CDIN1: variants seen among roughly 807,000 people sequenced by gnomAD.
The protein encoded by CDIN1 is CDAN1 interacting nuclease 1, also known as CDAN1-interacting nuclease 1.
A neutral mutation model predicts 45.3 loss-of-function variants in CDIN1; 33 were observed. That is an observed-to-expected ratio of 0.73 (90% CI 0.55 to 0.97). The LOEUF (loss-of-function observed/expected upper bound fraction) is 0.97. CDIN1 is among the 50% of genes least tolerant of loss of function. The probability of loss-of-function intolerance (pLI) is 0.00; values close to 1 mark genes in which losing one functional copy is unlikely to be tolerated. For missense variants in CDIN1, 303 were observed against 339.4 expected (o/e 0.89, Z 0.84); for synonymous variants, 118 against 124.4 (o/e 0.95, Z 0.34).
At chr15:36,689,432 G>T (rs1019694179) in intron 5 of CDIN1, among the ~76,000 whole-genome samples, 3 of 152,132 alleles carry the variant, frequency 2.0e-5, no homozygotes, top group South Asian at 2.1e-4. Context: ...TCCTCACATG[G>T]GTTCATGAGA....
chr15:36,735,718 T>A (rs2043994401), intron 10 of CDIN1, among the ~76,000 whole-genome samples: 1 of 152,216 alleles, frequency 6.6e-6, no homozygotes, highest in Non-Finnish European at 1.5e-5. Context: ...GCTTTTATCA[T>A]ATCAAATTTA....
In CDIN1 at chr15:36,662,929, A is replaced by G. The variant is rs567289516; in HGVS notation, c.346+5024A>G. 8.9e-5 allele frequency among the ~76,000 whole-genome samples: 13 copies of G among 146,464 alleles called. No homozygotes were observed. In the East Asian group the frequency reaches 2.2e-3, roughly 25 times the overall value. ...GATGAGCATCCAAAATCCAAAATCC[A>G]AAATGCTCCAATGAGCATTTCCTTT... On this transcript the variant is annotated intron_variant, in intron 5 of 10. Coordinates refer to ENST00000566621, the MANE Select transcript of CDIN1 (RefSeq NM_001321759.2).
In CDIN1 at chr15:36,709,874, T is replaced by C; in HGVS notation, c.629T>C (p.Ile210Thr). 1 of 1,613,352 alleles carries C rather than the reference T, an allele frequency of 6.2e-7. No individual in the cohort carries two copies. The highest frequency in any genetic ancestry group is 8.5e-7 in the Non-Finnish European group (1 of 1,179,446). ...QVPVAVEGHIIHWIESKASFG... is the reference protein window; with the variant it reads ...QVPVAVEGHITHWIESKASFG... ...CCCTTAGCTGTAGAAGGGCACATAA[T>C]TCACTGGATTGAAAGCAAAGCCTCA... The change falls in exon 10 of 11, where the codon ATT (isoleucine) becomes ACT (threonine). Residue 210 changes from isoleucine to threonine, a missense_variant. By Grantham distance (89) the Ile-to-Thr change is moderately conservative (BLOSUM62 -1). Coordinates refer to ENST00000566621, the MANE Select transcript of CDIN1 (RefSeq NM_001321759.2).
chr15:36,615,894 C>A (rs908236413), intron 1 of CDIN1, among the ~76,000 whole-genome samples: 5 of 152,160 alleles, frequency 3.3e-5, no homozygotes, highest in Non-Finnish European at 5.9e-5. Flanking sequence ...TTGATGTAGT[C>A]ATTTTGGAAA....
intron 1 of CDIN1, chr15:36,618,929 A>G (rs2039024946): frequency 6.6e-7 from 1 of 1,508,616 alleles, no homozygotes; most frequent in Non-Finnish European, 9.1e-7. Context: ...GTGACTCTAC[A>G]GGAACCCTGA....
chr15:36,759,223 C>T (rs974456380), intron 10 of CDIN1, among the ~76,000 whole-genome samples: 7 of 152,002 alleles, frequency 4.6e-5, no homozygotes. Flanking sequence ...AGAGGAGAGG[C>T]GCCTCTTCTT....
In CDIN1 at chr15:36,754,017, G is replaced by A. The variant is rs74008767; in HGVS notation, c.716+44056G>A. 4.2e-4 allele frequency among the ~76,000 whole-genome samples: 64 copies of A among 152,258 alleles called. 1 individual carries two copies. Among genetic ancestry groups the A allele is most frequent in the South Asian group, 2.3e-3 (11 of 4,816 alleles). On this transcript the variant is annotated intron_variant, in intron 10 of 10. Transcript: ENST00000566621. ...TTACACTCAAGTTTGGGTTCAAAAC[G>A]TAAGAAAGCATGCTTATAGTGAATA...
At chr15:36,765,114 G>A (rs2053885268) in intron 10 of CDIN1, among the ~76,000 whole-genome samples, 1 of 147,332 alleles carries the variant, frequency 6.8e-6, no homozygotes, top group Non-Finnish European at 1.5e-5. Context: ...AGAGTGCAGT[G>A]GTGCGATCTC....
At chr15:36,620,804 T>TGG (rs138484014) in intron 1 of CDIN1, among the ~76,000 whole-genome samples, 37 of 151,538 alleles carry the variant, frequency 2.4e-4, no homozygotes, top group East Asian at 5.8e-4. Flanking sequence ...GGCTTAATTT[T>TGG]GGGGGGGGAC....
At chr15:36,630,728 T>C (rs1477217199) in intron 1 of CDIN1, among the ~76,000 whole-genome samples, 1 of 152,156 alleles carries the variant, frequency 6.6e-6, no homozygotes, top group East Asian at 1.9e-4. Flanking sequence ...GGGTGCTGGC[T>C]TCTGCTTCTG....
intron 5 of CDIN1, among the ~76,000 whole-genome samples, chr15:36,690,372 C>T (rs981856051): frequency 6.6e-6 from 1 of 151,742 alleles, no homozygotes; most frequent in African/African-American, 2.4e-5. Flanking sequence ...GGGTTCATGC[C>T]ATTCTCCTGC....
At chr15:36,794,269 A>G (rs934547033) in intron 10 of CDIN1, among the ~76,000 whole-genome samples, 3 of 152,092 alleles carry the variant, frequency 2.0e-5, no homozygotes, top group Non-Finnish European at 1.5e-5. Context: ...TGTGTTAGCC[A>G]GGATGGTCTC....
chr15:36,734,317 T>C (rs971623716), intron 10 of CDIN1: 13 of 393,658 alleles, frequency 3.3e-5, no homozygotes, highest in Non-Finnish European at 5.0e-5. Context: ...TGTTCATCCT[T>C]AGAACAATAC....
intron 10 of CDIN1, among the ~76,000 whole-genome samples, chr15:36,749,771 C>T (rs1025956165): frequency 2.6e-5 from 4 of 151,902 alleles, no homozygotes; most frequent in East Asian, 1.9e-4. Context: ...TCTTTTTTCA[C>T]GCTGATTTTC....
chr15:36,803,779 T>C (rs2055129517), intron 10 of CDIN1, among the ~76,000 whole-genome samples: 1 of 152,204 alleles, frequency 6.6e-6, no homozygotes, highest in Non-Finnish European at 1.5e-5. Flanking sequence ...TGTTCATTTC[T>C]AAATCAGACA....
intron 1 of CDIN1, chr15:36,618,930 G>A: frequency 6.6e-7 from 1 of 1,515,212 alleles, no homozygotes; most frequent in Non-Finnish European, 9.1e-7. Context: ...TGACTCTACA[G>A]GAACCCTGAA....
At chr15:36,632,398 A>G (rs914359710) in intron 1 of CDIN1, among the ~76,000 whole-genome samples, 3 of 152,170 alleles carry the variant, frequency 2.0e-5, no homozygotes, top group Admixed American at 6.5e-5. Context: ...TGAATTCTAC[A>G]CTAACCAGAG....
chr15:36,629,416 A>G (rs895475818), intron 1 of CDIN1, among the ~76,000 whole-genome samples: 2 of 152,186 alleles, frequency 1.3e-5, no homozygotes, highest in Non-Finnish European at 2.9e-5. Flanking sequence ...ATTTGGTGCT[A>G]TTTTTAAGAC....
intron 10 of CDIN1, among the ~76,000 whole-genome samples, chr15:36,753,999 C>T (rs183209691): frequency 6.6e-6 from 1 of 152,150 alleles, no homozygotes; most frequent in African/African-American, 2.4e-5. Context: ...TGATTACACT[C>T]AAGTTTGGGT....
Sources: gnomAD v4.1 joint callset for allele counts (sites outside exome capture counted in the v4.1 genomes callset) on GRCh38, gnomAD v4.1.1 for gene constraint, MANE v1.5 for transcripts, NCBI Gene and HGNC (gene_info 2026-07-23, HGNC 2026-07-21) for gene names.